Variants in FOXP2 observed in about 807,000 individuals in gnomAD.
FOXP2 encodes forkhead box P2.
FOXP2 carries 12 observed loss-of-function variants against 115.8 expected under a neutral mutation model. That is an observed-to-expected ratio of 0.10 (90% CI 0.07 to 0.17). FOXP2 has a LOEUF of 0.17. FOXP2 is among the 10% of genes least tolerant of loss of function. The pLI, the probability that FOXP2 is intolerant of heterozygous loss-of-function variation, is 1.00. For synonymous variants in FOXP2, 328 were observed against 297.7 expected (o/e 1.10, Z -1.05); for missense variants, 629 against 843.5 (o/e 0.75, Z 3.15).
chr7:114,689,914 A>G lies in FOXP2; in HGVS notation c.2136A>G (p.Glu712=). 6.2e-7 allele frequency: 1 copy of G among 1,613,256 alleles called. No homozygotes were observed. Among genetic ancestry groups the G allele is most frequent in the African/African-American group, 1.3e-5 (1 of 74,998 alleles). Residue 712 remains glutamate, a synonymous_variant, in exon 17 of 17, where the codon GAA becomes GAG. Transcript: ENST00000350908. ...AGATTGAAGAAGAGCCTTTATCTGA[A>G]GATCTGGAATGAGAACTGACTTGTG... is the stretch of plus-strand genomic sequence containing the variant. ...DREIEEEPLS[E]DLE
chr7:114,576,931 T>C (rs1347690177), intron 3 of FOXP2, among the ~76,000 whole-genome samples: 1 of 151,988 alleles, frequency 6.6e-6, no homozygotes, highest in Non-Finnish European at 1.5e-5. Flanking sequence ...ATTTTCAGAA[T>C]TGTGCTCATA....
Position 114,490,974 on chromosome 7 carries a change from A to C in FOXP2, c.169-43643A>C, listed in dbSNP as rs536214547. ...AGTGCCGTAATAAACATACGTGTGC[A>C]TGTGTCTTTATAGCAGCATGTTTTA... On this transcript the variant is annotated intron_variant, in intron 2 of 16. Coordinates refer to ENST00000350908, the MANE Select transcript of FOXP2 (RefSeq NM_014491.4). 2.4e-3 allele frequency among the ~76,000 whole-genome samples: 359 copies of C among 152,344 alleles called. 2 individuals carry two copies. The highest frequency in any genetic ancestry group is 8.2e-3 in the African/African-American group (342 of 41,572).
intron 1 of FOXP2, among the ~76,000 whole-genome samples, chr7:114,093,435 C>T (rs988877901): frequency 1.3e-5 from 2 of 151,968 alleles, no homozygotes; most frequent in African/African-American, 2.4e-5. Flanking sequence ...ACATCTTTTC[C>T]CCCAGTGGCA....
In FOXP2 at chr7:114,262,404, A is replaced by G. The variant is rs537981924; in HGVS notation, c.-101-25615A>G. Among the ~76,000 whole-genome samples, 11 of 152,242 alleles carry G rather than the reference A, an allele frequency of 7.2e-5. No homozygotes were observed. The South Asian group carries it at 2.3e-3, about 32-fold the overall frequency. On this transcript the variant is annotated intron_variant, in intron 1 of 17. Coordinates refer to the FOXP2 transcript ENST00000634411. Reference sequence around the variant, plus strand: ...ACATCATTGCACTCCAGCCTAGGTGACAGTACTAAATAAAAGGTACTATGC... The same window carrying G: ...ACATCATTGCACTCCAGCCTAGGTGGCAGTACTAAATAAAAGGTACTATGC...
At chr7:114,579,721 AACTC>A (rs961252482) in intron 3 of FOXP2, among the ~76,000 whole-genome samples, 6 of 152,176 alleles carry the variant, frequency 3.9e-5, no homozygotes, top group Admixed American at 2.6e-4. Flanking sequence ...ATACTTGTCT[AACTC>A]ACACTTTTGG....
At chr7:114,296,769 A>G (rs958222205) in intron 2 of FOXP2, among the ~76,000 whole-genome samples, 1 of 152,222 alleles carries the variant, frequency 6.6e-6, no homozygotes, top group African/African-American at 2.4e-5. Context: ...TTGCTAGGTC[A>G]GATGAAAAGT....
chr7:114,554,340 A>C (rs948026693), intron 3 of FOXP2, among the ~76,000 whole-genome samples: 4 of 152,144 alleles, frequency 2.6e-5, no homozygotes, highest in African/African-American at 4.8e-5. Context: ...GTAATTGTCA[A>C]ATTGGTGTGT....
intron 1 of FOXP2, among the ~76,000 whole-genome samples, chr7:114,241,667 A>AT (rs1366637243): frequency 6.6e-6 from 1 of 151,958 alleles, no homozygotes; most frequent in African/African-American, 2.4e-5. Context: ...GATTATGAGA[A>AT]TTTTTTATGT....
intron 2 of FOXP2, chr7:114,297,095 A>G: frequency 2.4e-6 from 1 of 412,966 alleles, no homozygotes; most frequent in South Asian, 2.0e-5. Flanking sequence ...TTTCAGGGAG[A>G]GGGCAGGGCA....
chr7:114,108,981 A>G (rs982557156), intron 1 of FOXP2, among the ~76,000 whole-genome samples: 1 of 151,984 alleles, frequency 6.6e-6, no homozygotes, highest in African/African-American at 2.4e-5. Context: ...AGGTAATTTC[A>G]TAAAACAATA....
At chr7:114,189,720 A>T (rs1793707147) in intron 1 of FOXP2, among the ~76,000 whole-genome samples, 1 of 152,124 alleles carries the variant, frequency 6.6e-6, no homozygotes, top group Non-Finnish European at 1.5e-5. Context: ...AATTTAGGCA[A>T]TTTTTTAAGA....
At chr7:114,334,933 A>ATATATATATTTTATATATATAGAAATC (rs2129183487) in intron 2 of FOXP2, among the ~76,000 whole-genome samples, 3 of 65,802 alleles carry the variant, frequency 4.6e-5, no homozygotes, top group South Asian at 9.9e-4. Context: ...ATAGAAATCT[A>ATATATATATTTTATATATATAGAAATC]TATATATATA....
intron 2 of FOXP2, among the ~76,000 whole-genome samples, chr7:114,302,447 A>G (rs1201170609): frequency 6.6e-6 from 1 of 152,194 alleles, no homozygotes; most frequent in Non-Finnish European, 1.5e-5. Context: ...ATCATTTAAT[A>G]CTCAACAACT....
chr7:114,314,702 G>A (rs1056200711), intron 2 of FOXP2, among the ~76,000 whole-genome samples: 1 of 152,102 alleles, frequency 6.6e-6, no homozygotes, highest in African/African-American at 2.4e-5. Flanking sequence ...GAATTAATGA[G>A]TAAACATGTG....
At chr7:114,390,221 A>C (rs574500699) in intron 2 of FOXP2, among the ~76,000 whole-genome samples, 1 of 152,218 alleles carries the variant, frequency 6.6e-6, no homozygotes, top group South Asian at 2.1e-4. Flanking sequence ...GAAGTGAATA[A>C]TGAGTCATTA....
At chr7:114,266,396 G>C (rs947033494) in intron 1 of FOXP2, among the ~76,000 whole-genome samples, 1 of 152,192 alleles carries the variant, frequency 6.6e-6, no homozygotes, top group Non-Finnish European at 1.5e-5. Flanking sequence ...TCTGCAGACT[G>C]TACAGGAAGC....
intron 2 of FOXP2, among the ~76,000 whole-genome samples, chr7:114,435,313 G>A (rs563913781): frequency 6.6e-6 from 1 of 152,228 alleles, no homozygotes; most frequent in East Asian, 1.9e-4. Flanking sequence ...TGTTCATGAA[G>A]AGAGAGGATC....
In FOXP2 at chr7:114,407,678, A is replaced by G. The variant is rs187462262; in HGVS notation, c.-10-18824A>G. 3.9e-5 allele frequency among the ~76,000 whole-genome samples: 6 copies of G among 152,272 alleles called. No homozygotes were observed. The East Asian group carries it at 1.2e-3, about 29-fold the overall frequency. On this transcript the variant is annotated intron_variant, in intron 2 of 17. Transcript: ENST00000634411. ...TTTATGAGCAAACAGTGCTTTTCTA[A>G]AGCATATATTCTTATCTATTTTATT...
chr7:114,687,722 T>A (rs1214181865), intron 16 of FOXP2, among the ~76,000 whole-genome samples: 1 of 152,194 alleles, frequency 6.6e-6, no homozygotes, highest in Non-Finnish European at 1.5e-5. Context: ...GATAAATATA[T>A]GTGACAGTAC....
Sources: allele counts gnomAD v4.1 joint callset (sites outside exome capture counted in the v4.1 genomes callset), GRCh38; gene constraint gnomAD v4.1.1; transcripts MANE v1.5; gene names NCBI Gene and HGNC (gene_info 2026-07-23, HGNC 2026-07-21).